The following SLCO3A1 variants were observed in gnomAD, a reference collection of about 807,000 sequenced individuals.
SLCO3A1 encodes the protein solute carrier organic anion transporter family member 3A1, also known as PGE1 transporter.
SLCO3A1 carries 27 observed loss-of-function variants against 63.1 expected under a neutral mutation model. The observed-to-expected ratio is 0.43, with a 90% CI of 0.32 to 0.59. The LOEUF (loss-of-function observed/expected upper bound fraction) is 0.59, where lower values mean the gene tolerates loss of function less well. SLCO3A1 is among the 20% of genes least tolerant of loss of function. The pLI is 0.09. For missense variants in SLCO3A1, 773 were observed against 945.8 expected, an observed-to-expected ratio of 0.82 and a Z score of 2.40; for synonymous variants, 473 against 409.9, an observed-to-expected ratio of 1.15 and a Z score of -1.86.
intron 2 of SLCO3A1, among the ~76,000 whole-genome samples, chr15:92,003,479 T>A (rs2046279022): frequency 6.6e-6 from 1 of 152,220 alleles, no homozygotes; most frequent in Non-Finnish European, 1.5e-5. Flanking sequence ...CAACAGATCT[T>A]GTCATTCTGC....
chr15:92,021,616 A>G (rs2046510115), intron 2 of SLCO3A1, among the ~76,000 whole-genome samples: 1 of 152,170 alleles, frequency 6.6e-6, no homozygotes, highest in African/African-American at 2.4e-5. Flanking sequence ...TAATAGTTTT[A>G]TTGGAGACTT....
chr15:91,868,121 G>A (rs555029252), intron 1 of SLCO3A1, among the ~76,000 whole-genome samples: 4 of 151,810 alleles, frequency 2.6e-5, no homozygotes, highest in South Asian at 2.1e-4. Flanking sequence ...GTGGGATCTC[G>A]GCTCGCTGCA....
chr15:92,072,633 T>C (rs777652914), intron 2 of SLCO3A1, among the ~76,000 whole-genome samples: 6 of 152,206 alleles, frequency 3.9e-5, no homozygotes, highest in Middle Eastern at 3.2e-3. Flanking sequence ...AGACCTGTGC[T>C]CCCTCCAGAA....
intron 7 of SLCO3A1, among the ~76,000 whole-genome samples, chr15:92,139,536 G>A (rs528771368): frequency 6.6e-6 from 1 of 151,694 alleles, no homozygotes; most frequent in Non-Finnish European, 1.5e-5. Flanking sequence ...GATTGGAATA[G>A]TTTCAGAAGG....
At chr15:92,151,301 G>C (rs528053174) in intron 9 of SLCO3A1, 1 of 293,506 alleles carries the variant, frequency 3.4e-6, no homozygotes, top group Non-Finnish European at 6.3e-6. Flanking sequence ...AAAAAATCTG[G>C]TGGTGTAATT....
At chr15:92,048,292 C>A (rs773103844) in intron 2 of SLCO3A1, among the ~76,000 whole-genome samples, 2 of 152,140 alleles carry the variant, frequency 1.3e-5, no homozygotes, top group Admixed American at 1.3e-4. Flanking sequence ...GCTGTACCCC[C>A]ATCGGACTCT....
At chr15:91,932,116 A>T (rs367704680) in intron 2 of SLCO3A1, among the ~76,000 whole-genome samples, 57 of 152,190 alleles carry the variant, frequency 3.7e-4, no homozygotes, top group African/African-American at 1.4e-3. Flanking sequence ...CATCTTCATA[A>T]TGGCTGTTTT....
chr15:92,042,136 C>T (rs2046807561), intron 2 of SLCO3A1, among the ~76,000 whole-genome samples: 1 of 152,130 alleles, frequency 6.6e-6, no homozygotes, highest in South Asian at 2.1e-4. Context: ...CAGATGGTTT[C>T]AGTAGTTGAT....
chr15:92,052,035 C>G (rs145256767), intron 2 of SLCO3A1, among the ~76,000 whole-genome samples: 2 of 152,108 alleles, frequency 1.3e-5, no homozygotes, highest in Non-Finnish European at 2.9e-5. Context: ...TCCTAATCCC[C>G]GGGCTCCAGG....
chr15:92,153,326 CT>C (rs1214055997), intron 9 of SLCO3A1, among the ~76,000 whole-genome samples: 1 of 152,098 alleles, frequency 6.6e-6, no homozygotes, highest in Admixed American at 6.5e-5. Context: ...CTATTACATG[CT>C]TTTAAAAAAG....
At position 92,164,454 on chromosome 15, in the gene SLCO3A1, G is replaced by A; in HGVS notation, c.*1319G>A. ...CCATGATTCAGTGATCACTGTCACG[G>A]GAAACCCTTTTATATTCATGCTTGA... On this transcript the variant is annotated 3_prime_UTR_variant, in exon 10 of 10. Coordinates refer to ENST00000318445, the MANE Select transcript of SLCO3A1 (RefSeq NM_013272.4). The A allele has an allele frequency of 2.0e-6, 2 of 985,402 alleles. No homozygotes were observed. Among genetic ancestry groups the A allele is most frequent in the Non-Finnish European group, 2.4e-6 (2 of 829,938 alleles). The allele number at this position is 985,402 out of a possible 1,614,324, so 61.0% of individuals were successfully genotyped here.
chr15:92,121,065 A>T (rs2047857475), intron 5 of SLCO3A1, among the ~76,000 whole-genome samples: 1 of 152,154 alleles, frequency 6.6e-6, no homozygotes, highest in South Asian at 2.1e-4. Context: ...CCCACAACAG[A>T]CATAACTAAT....
In SLCO3A1 at chr15:91,931,792, C is replaced by CACACACACAT. The variant is rs1555450776; in HGVS notation, c.646+15342_646+15343insATACACACAC. Among the ~76,000 whole-genome samples, 362 of 150,160 alleles carry CACACACACAT rather than the reference C, an allele frequency of 2.4e-3. 11 individuals carry two copies. Among genetic ancestry groups the CACACACACAT allele is most frequent in the Non-Finnish European group, 6.2e-4 (42 of 67,706 alleles). ...GGCTGGTGTCTTAAGTGTGGAAACA[C>CACACACACAT]ACACACACGCACACACACACACACA... is the stretch of plus-strand genomic sequence containing the variant. On this transcript the variant is annotated intron_variant, in intron 2 of 9. Transcript: ENST00000318445.
At chr15:92,116,563 A>G (rs1330399706) in intron 4 of SLCO3A1, among the ~76,000 whole-genome samples, 4 of 152,226 alleles carry the variant, frequency 2.6e-5, no homozygotes, top group Non-Finnish European at 5.9e-5. Flanking sequence ...CAGGTGTTCA[A>G]TGGCCTGGTG....
chr15:91,980,962 A>C (rs1277994604), intron 2 of SLCO3A1, among the ~76,000 whole-genome samples: 1 of 152,226 alleles, frequency 6.6e-6, no homozygotes, highest in Non-Finnish European at 1.5e-5. Flanking sequence ...AGTAGATTCC[A>C]CTGGGGCGAA....
intron 5 of SLCO3A1, among the ~76,000 whole-genome samples, chr15:92,122,642 A>C (rs1457646463): frequency 6.6e-6 from 1 of 152,206 alleles, no homozygotes; most frequent in Admixed American, 6.5e-5. Flanking sequence ...TATCAGTTCC[A>C]TTTCTGGTCA....
Position 91,871,765 on chromosome 15 carries a change from GTTTTT to G in SLCO3A1, c.180+17693_180+17697del, listed in dbSNP as rs33938693. 1.4e-3 allele frequency among the ~76,000 whole-genome samples: 65 copies of G among 45,710 alleles called. 1 individual carries two copies. The highest frequency in any genetic ancestry group is 5.5e-3 in the African/African-American group (61 of 11,012). The allele number at this position is 45,710 out of a possible 152,430, so 30.0% of individuals were successfully genotyped here. A position where few individuals can be genotyped will look rare whatever the true frequency, so the allele number is the denominator to read the frequency against. ...GGTGTGCTCATTTTGTTTTTTTTTG[GTTTTT>G]TTTTTTTTTTTTTTTGGCTGATAAG... On this transcript the variant is annotated intron_variant, in intron 1 of 9. Coordinates refer to ENST00000318445, the MANE Select transcript of SLCO3A1 (RefSeq NM_013272.4).
At chr15:91,873,927 T>C (rs975128501) in intron 1 of SLCO3A1, among the ~76,000 whole-genome samples, 2 of 152,210 alleles carry the variant, frequency 1.3e-5, no homozygotes, top group South Asian at 2.1e-4. Context: ...TTTTCTTTAT[T>C]GTGGAAAATT....
chr15:92,035,110 C>G (rs951651770), intron 2 of SLCO3A1, among the ~76,000 whole-genome samples: 2 of 151,806 alleles, frequency 1.3e-5, no homozygotes, highest in African/African-American at 4.8e-5. Flanking sequence ...GGTAGTTACT[C>G]CAGTGGCCCG....
Sources: gnomAD v4.1 joint callset for allele counts (sites outside exome capture counted in the v4.1 genomes callset) on GRCh38, gnomAD v4.1.1 for gene constraint, MANE v1.5 for transcripts, NCBI Gene and HGNC (gene_info 2026-07-23, HGNC 2026-07-21) for gene names.